TTC7A: variants seen among roughly 807,000 people sequenced by gnomAD.
TTC7A encodes the protein tetratricopeptide repeat domain 7A.
TTC7A carries 110 observed loss-of-function variants against 103.7 expected under a neutral mutation model. The ratio of observed to expected loss-of-function variants is 1.06; its 90% confidence interval spans 0.91 to 1.24. The LOEUF is 1.24. TTC7A is among the 50% of genes most tolerant of loss of function. The probability of loss-of-function intolerance (pLI) is 0.00; values close to 1 mark genes in which losing one functional copy is unlikely to be tolerated. For synonymous variants in TTC7A, 521 were observed against 467.9 expected (o/e 1.11, Z -1.47); for missense variants, 1,340 against 1,116.3 (o/e 1.20, Z -2.86).
chr2:47,026,403 G>C (rs1167645565), intron 14 of TTC7A, among the ~76,000 whole-genome samples: 1 of 152,198 alleles, frequency 6.6e-6, no homozygotes, highest in Admixed American at 6.5e-5. Flanking sequence ...TAAGGTGCCC[G>C]GGGAGAACTC....
intron 2 of TTC7A, among the ~76,000 whole-genome samples, chr2:46,955,575 G>T (rs1410340849): frequency 1.3e-5 from 2 of 152,192 alleles, no homozygotes; most frequent in Non-Finnish European, 2.9e-5. Flanking sequence ...TAGGCCAGGG[G>T]GAAGGGGACC....
rs1681404962 is a variant in TTC7A at position 47,038,637 on chromosome 2, ACCCT to A, written c.1803-7674_1803-7671del. On this transcript the variant is annotated intron_variant, in intron 15 of 19. Coordinates refer to ENST00000319190, the MANE Select transcript of TTC7A (RefSeq NM_020458.4). The stretch of plus-strand genomic sequence containing the variant: ...CTACACCTGCTGCCACTTCCCACCC[ACCCT>A]CCCCCCACCCACCCCCCCGACACAC... 5.9e-5 allele frequency among the ~76,000 whole-genome samples: 3 copies of A among 51,228 alleles called. 1 individual carries two copies. The Admixed American group carries it at 8.1e-4, about 14-fold the overall frequency. The allele number at this position is 51,228 out of a possible 152,430, so 33.6% of individuals were successfully genotyped here.
rs536568055 is a variant in TTC7A at position 46,966,177 on chromosome 2, G to A, written c.518-8796G>A. Among the ~76,000 whole-genome samples, 5 of 152,216 alleles carry A rather than the reference G, an allele frequency of 3.3e-5. No individual in the cohort carries two copies. In the East Asian group the frequency reaches 5.8e-4, roughly 18 times the overall value. ...TTAGTCAGGCTGGTCTTGAACTCTC[G>A]ACCTCAGATGATCCTCCCGCCTCAG... is the stretch of plus-strand genomic sequence containing the variant. On this transcript the variant is annotated intron_variant, in intron 3 of 19. Transcript: ENST00000319190.
intron 1 of TTC7A, among the ~76,000 whole-genome samples, chr2:46,949,334 C>T (rs183456958): frequency 2.0e-5 from 3 of 152,268 alleles, no homozygotes; most frequent in African/African-American, 7.2e-5. Context: ...CTCCCGAATT[C>T]AGGCAGTTCT....
chr2:46,984,950 C>T (rs1036966616), intron 5 of TTC7A, among the ~76,000 whole-genome samples: 4 of 152,164 alleles, frequency 2.6e-5, no homozygotes, highest in East Asian at 1.9e-4. Context: ...ATGCACGGTG[C>T]GCTGACTCCC....
At chr2:47,059,009 C>CTTTGTTTT (rs1683548229) in intron 18 of TTC7A, among the ~76,000 whole-genome samples, 1 of 44,702 alleles carries the variant, frequency 2.2e-5, no homozygotes, top group African/African-American at 1.2e-4. Flanking sequence ...CCTAAGCCTG[C>CTTTGTTTT]TTTTTTTTTT....
intron 2 of TTC7A, 51 bp downstream of exon 2, chr2:46,950,577 C>T (rs370063275): frequency 5.7e-6 from 9 of 1,590,706 alleles, no homozygotes; most frequent in Non-Finnish European, 7.7e-6. Context: ...TCTGTCTTGC[C>T]TCGCATCTGT....
At chr2:47,062,080 G>A (rs1573071657) in intron 19 of TTC7A, among the ~76,000 whole-genome samples, 1 of 152,228 alleles carries the variant, frequency 6.6e-6, no homozygotes. Context: ...AAAGGGGGCT[G>A]ATTTGTCCGT....
Position 47,024,331 on chromosome 2 carries a change from T to TCTCGCTGCAGCTGGCCC in TTC7A, c.1614_1630dup (p.Leu544ProfsTer22), listed in dbSNP as rs1679641948. 6.2e-7 allele frequency: 1 copy of TCTCGCTGCAGCTGGCCC among 1,608,166 alleles called. No homozygotes were observed. The highest frequency in any genetic ancestry group is 1.1e-5 in the South Asian group (1 of 90,238). ...AGTGACCCCCAGGTCATCCTCTATG[T>TCTCGCTGCAGCTGGCCC]CTCGCTGCAGCTGGCCCTCGTCCGA... On this transcript the variant is annotated frameshift_variant, in exon 14 of 20. Transcript: ENST00000319190. LOFTEE classifies it high-confidence loss of function.
chr2:47,057,898 A>G (rs1683447349), intron 18 of TTC7A, among the ~76,000 whole-genome samples: 3 of 152,050 alleles, frequency 2.0e-5, no homozygotes, highest in Admixed American at 2.0e-4. Context: ...TTGTCATTCC[A>G]CTGTCCTGGT....
At chr2:47,055,851 G>T (rs542974295) in intron 18 of TTC7A, among the ~76,000 whole-genome samples, 1 of 152,284 alleles carries the variant, frequency 6.6e-6, no homozygotes, top group South Asian at 2.1e-4. Context: ...TGTGGCTGAA[G>T]CGGGTGTTTA....
intron 16 of TTC7A, among the ~76,000 whole-genome samples, chr2:47,048,587 T>C (rs1315872929): frequency 1.3e-5 from 2 of 152,242 alleles, no homozygotes; most frequent in African/African-American, 4.8e-5. Flanking sequence ...CTAGTGTTTC[T>C]GGCTTTTTTG....
At position 47,021,947 on chromosome 2, in the gene TTC7A, T is replaced by C; in HGVS notation, c.1478T>C (p.Leu493Pro). The C allele has an allele frequency of 6.2e-7, 1 of 1,614,088 alleles. No individual in the cohort carries two copies. The highest frequency in any genetic ancestry group is 1.1e-5 in the South Asian group (1 of 91,086). The change falls in exon 12 of 20, where the codon CTG becomes CCG. Residue 493 changes from leucine to proline, a missense_variant. Transcript: ENST00000319190. ...TTCCTCCCCAAGGGCTACCTGGCTCTGGGTCTCACCTATAGCCTGCAGGCC... is the reference window on the plus strand; with the variant it reads ...TTCCTCCCCAAGGGCTACCTGGCTCCGGGTCTCACCTATAGCCTGCAGGCC... ...GEFLPKGYLALGLTYSLQATD... is the reference protein window; with the variant it reads ...GEFLPKGYLAPGLTYSLQATD...
At chr2:47,013,255 G>A (rs1370731088) in intron 11 of TTC7A, among the ~76,000 whole-genome samples, 1 of 152,198 alleles carries the variant, frequency 6.6e-6, no homozygotes, top group Non-Finnish European at 1.5e-5. Flanking sequence ...CACCTCATGA[G>A]TATCAGGGAA....
At chr2:47,063,663 A>T (rs1683964326) in intron 19 of TTC7A, among the ~76,000 whole-genome samples, 1 of 152,198 alleles carries the variant, frequency 6.6e-6, no homozygotes, top group South Asian at 2.1e-4. Flanking sequence ...CCCAGGGAGG[A>T]CACTCTGGCC....
chr2:46,974,812 C>T (rs560631934), intron 3 of TTC7A, 161 bp from the exon 4 acceptor site: 13 of 948,040 alleles, frequency 1.4e-5, no homozygotes, highest in East Asian at 1.1e-4. Context: ...CTAACACCAC[C>T]GTCGCTTCAG....
chr2:46,951,732 A>C (rs1671434871), intron 2 of TTC7A: 3 of 451,632 alleles, frequency 6.6e-6, no homozygotes, highest in Non-Finnish European at 1.3e-5. Context: ...AGCTATTCCA[A>C]AGTAATATAT....
chr2:47,029,760 C>A (rs1680318711), intron 15 of TTC7A, among the ~76,000 whole-genome samples: 1 of 152,232 alleles, frequency 6.6e-6, no homozygotes, highest in Non-Finnish European at 1.5e-5. Flanking sequence ...CTGACACAGT[C>A]AGCCAAGGAT....
chr2:46,971,970 G>A (rs1673399872), intron 3 of TTC7A, among the ~76,000 whole-genome samples: 1 of 150,348 alleles, frequency 6.7e-6, no homozygotes, highest in South Asian at 2.1e-4. Context: ...TAGGGAGGGA[G>A]GGAGGCAGGG....
Sources: gnomAD v4.1 joint callset for allele counts (sites outside exome capture counted in the v4.1 genomes callset) on GRCh38, gnomAD v4.1.1 for gene constraint, MANE v1.5 for transcripts, NCBI Gene and HGNC (gene_info 2026-07-23, HGNC 2026-07-21) for gene names.